The following IQGAP1 variants were observed in gnomAD, a reference collection of about 807,000 sequenced individuals.
IQGAP1 encodes the protein IQ motif containing GTPase activating protein 1, also known as ras GTPase-activating-like protein IQGAP1.
IQGAP1 carries 66 observed loss-of-function variants against 215.6 expected under a neutral mutation model. That is an observed-to-expected ratio of 0.31 (90% CI 0.25 to 0.38). The LOEUF (loss-of-function observed/expected upper bound fraction) is 0.38, where lower values mean the gene tolerates loss of function less well. Ranked by LOEUF, IQGAP1 falls within the 10% of genes least tolerant of loss-of-function variation. The pLI is 1.00. For missense variants in IQGAP1, 1,712 were observed against 1,997.1 expected (o/e 0.86, Z 2.72); for synonymous variants, 772 against 728.7 (o/e 1.06, Z -0.96).
intron 2 of IQGAP1, among the ~76,000 whole-genome samples, chr15:90,403,784 C>T (rs1193999265): frequency 6.6e-6 from 1 of 152,160 alleles, no homozygotes; most frequent in Non-Finnish European, 1.5e-5. Context: ...AGCGATTGTC[C>T]CGCCTCAGCC....
At chr15:90,398,097 G>A (rs1192899022) in intron 2 of IQGAP1, among the ~76,000 whole-genome samples, 1 of 151,482 alleles carries the variant, frequency 6.6e-6, no homozygotes, top group Non-Finnish European at 1.5e-5. Flanking sequence ...TGTTGGCCAG[G>A]CTGGTCTCAA....
chr15:90,395,558 G>A (rs934804708), intron 2 of IQGAP1, among the ~76,000 whole-genome samples: 1 of 152,196 alleles, frequency 6.6e-6, no homozygotes, highest in Non-Finnish European at 1.5e-5. Context: ...CTGACCTCGT[G>A]ATCCGCCCGC....
In IQGAP1 at chr15:90,466,073, A is replaced by G. The variant is rs765343216; in HGVS notation, c.1849A>G (p.Thr617Ala). The G allele has an allele frequency of 7.4e-6, 12 of 1,613,946 alleles. No individual in the cohort carries two copies. The highest frequency in any genetic ancestry group is 1.7e-5 in the Admixed American group (1 of 60,000). ...TGGAATCTGGCAGTCCAACAAAGAC[A>G]CCCAAGAAGCACAGAAGTGTATGTA... ...QGGIWQSNKDTQEAQKFALGI... is the reference protein window; with the variant it reads ...QGGIWQSNKDAQEAQKFALGI... Residue 617 changes from threonine to alanine, a missense_variant, in exon 16 of 38, where the codon ACC becomes GCC. This residue lies in a region of IQGAP1 where 1,021 missense variants were observed against 1,074.2 expected (regional missense o/e 0.95). Transcript: ENST00000268182.
chr15:90,453,826 G>A (rs1031453246), intron 13 of IQGAP1, among the ~76,000 whole-genome samples: 3 of 152,080 alleles, frequency 2.0e-5, no homozygotes, highest in Non-Finnish European at 1.5e-5. Context: ...GGCTTGTCAC[G>A]ATTCAGTTCA....
chr15:90,500,044 A>T lies in IQGAP1; in HGVS notation c.4910A>T (p.Asp1637Val). ...GGAGTTGCAGTCATGAAATTATTTG[A>T]TAGAGCTAAAGTAAATGTCAACCTC... ...YEGVAVMKLF[D>V]RAKVNVNLLI... is the part of the protein sequence containing the mutation. Residue 1637 changes from aspartate to valine, a missense_variant, in exon 38 of 38, where the codon GAT becomes GTT. By Grantham distance (152) the Asp-to-Val change is radical. Coordinates refer to ENST00000268182, the MANE Select transcript of IQGAP1 (RefSeq NM_003870.4). 1 of 1,613,258 alleles carries T rather than the reference A, an allele frequency of 6.2e-7. No individual in the cohort carries two copies. Among genetic ancestry groups the T allele is most frequent in the Admixed American group, 1.7e-5 (1 of 60,026 alleles).
At position 90,497,217 on chromosome 15, in the gene IQGAP1, G is replaced by A. The variant is rs145992110; in HGVS notation, c.4752-15G>A. The stretch of plus-strand genomic sequence containing the variant: ...AATATAAAAACCATACCCTTACGAT[G>A]TTATCTTTCAACAGGTTTAAAAATG... On this transcript the variant is annotated splice_polypyrimidine_tract_variant and intron_variant, in intron 36 of 37. Coordinates refer to ENST00000268182, the MANE Select transcript of IQGAP1 (RefSeq NM_003870.4). 2.2e-4 allele frequency: 288 copies of A among 1,339,396 alleles called. No homozygotes were observed. The African/African-American group carries it at 3.8e-3, about 18-fold the overall frequency. The allele number at this position is 1,339,396 out of a possible 1,614,324, so 83.0% of individuals were successfully genotyped here.
Position 90,426,154 on chromosome 15 carries a change from A to T in IQGAP1, c.200A>T (p.Glu67Val). 1 of 1,605,870 alleles carries T rather than the reference A, an allele frequency of 6.2e-7. No individual in the cohort carries two copies. The highest frequency in any genetic ancestry group is 8.5e-7 in the Non-Finnish European group (1 of 1,176,774). ...CLGEDLPPTT[E>V]LEEGLRNGVY... is the part of the protein sequence containing the mutation. ...GGGGAAGATCTGCCTCCCACCACAG[A>T]ACTGGAGGAGGGGCTTAGGAATGGG... The change falls in exon 3 of 38, where the codon GAA becomes GTA. Residue 67 changes from glutamate to valine, a missense_variant. By Grantham distance (121) the Glu-to-Val change is moderately radical. Around this residue, in one of 2 missense-constraint regions of IQGAP1, gnomAD observed 1,021 missense variants for 1,074.2 expected, o/e 0.95. Coordinates refer to ENST00000268182, the MANE Select transcript of IQGAP1 (RefSeq NM_003870.4).
intron 15 of IQGAP1, among the ~76,000 whole-genome samples, chr15:90,464,581 T>A (rs553655089): frequency 6.6e-6 from 1 of 152,248 alleles, no homozygotes; most frequent in South Asian, 2.1e-4. Context: ...CCAGGCGCAG[T>A]GGCTCACACC....
intron 15 of IQGAP1, among the ~76,000 whole-genome samples, chr15:90,461,577 G>A (rs939186604): frequency 5.9e-5 from 9 of 152,168 alleles, no homozygotes; most frequent in South Asian, 2.1e-4. Flanking sequence ...GGTGGCTTAC[G>A]CCTATAATCC....
rs1484955879 is a variant in IQGAP1 at position 90,482,071 on chromosome 15, A to C, written c.3441A>C (p.Ser1147=). Residue 1147 remains serine, a synonymous_variant, in exon 27 of 38, where the codon TCA becomes TCC. Coordinates refer to ENST00000268182, the MANE Select transcript of IQGAP1 (RefSeq NM_003870.4). ...NMRAVTDKFL[S]AIVSSVDKIP... ...GGGCTGTGACAGACAAGTTTCTCTC[A>C]GCCATTGTCAGCTCTGTGGACAAAA... 1 of 1,614,240 alleles carries C rather than the reference A, an allele frequency of 6.2e-7. No homozygotes were observed. The highest frequency in any genetic ancestry group is 1.1e-5 in the South Asian group (1 of 91,086).
intron 35 of IQGAP1, among the ~76,000 whole-genome samples, chr15:90,493,552 T>A (rs1966234817): frequency 6.6e-6 from 1 of 152,244 alleles, no homozygotes; most frequent in South Asian, 2.1e-4. Flanking sequence ...TAACTTTTTA[T>A]TTTAAGAGTT....
At chr15:90,424,236 G>A (rs779565130) in intron 2 of IQGAP1, among the ~76,000 whole-genome samples, 6 of 152,062 alleles carry the variant, frequency 3.9e-5, no homozygotes, top group Non-Finnish European at 8.8e-5. Flanking sequence ...TTTCCGTACC[G>A]ACAACTGCCA....
intron 26 of IQGAP1, among the ~76,000 whole-genome samples, chr15:90,480,868 A>G (rs1966048465): frequency 6.6e-6 from 1 of 152,130 alleles, no homozygotes; most frequent in Non-Finnish European, 1.5e-5. Flanking sequence ...GGGTTTCTCC[A>G]TGTTGGCCAG....
chr15:90,481,393 T>C (rs1966057328), intron 26 of IQGAP1, among the ~76,000 whole-genome samples: 1 of 151,616 alleles, frequency 6.6e-6, no homozygotes, highest in African/African-American at 2.4e-5. Context: ...ACTCCTATCC[T>C]TGAAGACCTC....
rs551721828 is a variant in IQGAP1, at chr15:90,441,494, T to G, written c.650-12T>G. ...TGTTTTTGTTGGTTTGTTTTTTTGT[T>G]TTTTTTTTTAGTACATGCTGCTGTT... On this transcript the variant is annotated splice_polypyrimidine_tract_variant and intron_variant, in intron 7 of 37. Transcript: ENST00000268182. The G allele has an allele frequency of 3.1e-5, 49 of 1,573,772 alleles. 1 individual carries two copies. In the South Asian group the frequency reaches 4.7e-4, roughly 15 times the overall value.
intron 17 of IQGAP1, 98 bp from the exon 18 acceptor site, chr15:90,467,352 T>C (rs1416233469): frequency 2.4e-6 from 3 of 1,266,932 alleles, no homozygotes; most frequent in Non-Finnish European, 3.3e-6. Flanking sequence ...GTGGTCTTCA[T>C]TTAGACTGTG....
chr15:90,400,158 C>G (rs1429785578), intron 2 of IQGAP1, among the ~76,000 whole-genome samples: 1 of 141,476 alleles, frequency 7.1e-6, no homozygotes, highest in East Asian at 2.0e-4. Context: ...TTTATAATGT[C>G]TCTTGTTTGT....
At chr15:90,444,803 A>G (rs1035629388) in intron 9 of IQGAP1, among the ~76,000 whole-genome samples, 1 of 152,220 alleles carries the variant, frequency 6.6e-6, no homozygotes, top group Non-Finnish European at 1.5e-5. Context: ...GTAGAAGCTC[A>G]TTTGCCTAAT....
In IQGAP1 at chr15:90,479,606, T is replaced by C. The variant is rs1010783595; in HGVS notation, c.3329+1717T>C. 2.8e-5 allele frequency among the ~76,000 whole-genome samples: 4 copies of C among 142,968 alleles called. No homozygotes were observed. In the East Asian group the frequency reaches 8.3e-4, roughly 30 times the overall value. 93.8% of individuals were successfully genotyped at this position (142,968 alleles called of 152,430 possible). A position where few individuals can be genotyped will look rare whatever the true frequency, so the allele number is the denominator to read the frequency against. ...AAAAAAAAAAAAAAAATTAGCTGGG[T>C]GTGGTTGTGCACACCTGTAGTTCCA... On this transcript the variant is annotated intron_variant, in intron 26 of 37. Coordinates refer to ENST00000268182, the MANE Select transcript of IQGAP1 (RefSeq NM_003870.4).
Sources: gnomAD v4.1 joint callset for allele counts (sites outside exome capture counted in the v4.1 genomes callset) on GRCh38, gnomAD v4.1.1 for gene constraint, gnomAD v4.1.1 regional missense constraint, MANE v1.5 for transcripts, NCBI Gene and HGNC (gene_info 2026-07-23, HGNC 2026-07-21) for gene names.